Variants in TIMM9 observed in about 807,000 individuals in gnomAD.
TIMM9 encodes mitochondrial import inner membrane translocase subunit Tim9.
Under a neutral mutation model 13.4 loss-of-function variants are expected in TIMM9, and 10 were observed. The ratio of observed to expected loss-of-function variants is 0.75; its 90% CI spans 0.46 to 1.26. The LOEUF is 1.26. Among genes scored for constraint, TIMM9 ranks in the 50% most tolerant of loss-of-function variants. The pLI, the probability that TIMM9 is intolerant of heterozygous loss-of-function variation, is 0.00. For synonymous variants in TIMM9, 32 were observed against 32.1 expected (o/e 1.00, Z 0.01); for missense variants, 87 against 100.8 (o/e 0.86, Z 0.58).
At chr14:58,421,534 T>C (rs566528909) in intron 3 of TIMM9, among the ~76,000 whole-genome samples, 2 of 152,302 alleles carry the variant, frequency 1.3e-5, no homozygotes, top group South Asian at 4.1e-4. Flanking sequence ...TTTGTGTTAA[T>C]TGTTGGAAGT....
chr14:58,410,098 G>T (rs1022389343), intron 5 of TIMM9, among the ~76,000 whole-genome samples: 3 of 151,784 alleles, frequency 2.0e-5, no homozygotes, highest in African/African-American at 4.8e-5. Flanking sequence ...TGTTGACAGG[G>T]TCTTGCTCTG....
chr14:58,411,005 T>C, intron 4 of TIMM9, 67 bp from the exon 5 acceptor site: 5 of 1,092,348 alleles, frequency 4.6e-6, no homozygotes, highest in Non-Finnish European at 6.8e-6. Flanking sequence ...AAACTTAAAT[T>C]ACTGGTATTT....
intron 3 of TIMM9, among the ~76,000 whole-genome samples, chr14:58,422,303 C>T (rs1258534009): frequency 1.3e-5 from 2 of 151,790 alleles, no homozygotes; most frequent in Admixed American, 6.6e-5. Context: ...TTAGTAGAGA[C>T]GGGGGTTTCT....
intron 5 of TIMM9, among the ~76,000 whole-genome samples, chr14:58,410,607 A>T (rs191176387): frequency 6.6e-5 from 10 of 152,352 alleles, no homozygotes; most frequent in Admixed American, 5.9e-4. Flanking sequence ...GTAACTCAGC[A>T]GCTGCAGGCA....
chr14:58,426,882 C>G (rs748652440), intron 2 of TIMM9, among the ~76,000 whole-genome samples, 172 bp downstream of exon 2: 2 of 152,218 alleles, frequency 1.3e-5, no homozygotes, highest in Non-Finnish European at 2.9e-5. Context: ...GTGACACCAT[C>G]TCCAGGAAGG....
intron 1 of TIMM9, 57 bp downstream of exon 1, chr14:58,427,335 G>A (rs1263446468): frequency 5.4e-6 from 2 of 370,576 alleles, no homozygotes; most frequent in Non-Finnish European, 1.0e-5. Flanking sequence ...TTCTATTCCC[G>A]ACTTCCTCTC....
intron 3 of TIMM9, among the ~76,000 whole-genome samples, chr14:58,417,213 T>C (rs1023939914): frequency 4.6e-5 from 7 of 152,076 alleles, no homozygotes; most frequent in Non-Finnish European, 8.8e-5. Flanking sequence ...TAAACCTCTT[T>C]CTTTTGTAAA....
chr14:58,414,008 G>GGA (rs755857225), intron 3 of TIMM9, among the ~76,000 whole-genome samples: 2 of 24,172 alleles, frequency 8.3e-5, no homozygotes, highest in Non-Finnish European at 6.4e-5. Context: ...TTCCGTCTCA[G>GGA]AAAAAAAAAA....
At chr14:58,413,866 G>T in intron 3 of TIMM9, among the ~76,000 whole-genome samples, 1 of 151,772 alleles carries the variant, frequency 6.6e-6, no homozygotes, top group Non-Finnish European at 1.5e-5. Flanking sequence ...AATTAGCTGG[G>T]CGTGGTGGTG....
intron 3 of TIMM9, among the ~76,000 whole-genome samples, chr14:58,423,512 C>T (rs1205510219): frequency 4.3e-5 from 2 of 46,382 alleles, no homozygotes; most frequent in Non-Finnish European, 7.6e-5. Context: ...GAGACTTTGT[C>T]TCAAAAAAAA....
intron 2 of TIMM9, among the ~76,000 whole-genome samples, chr14:58,426,684 G>A (rs1481796658): frequency 6.6e-6 from 1 of 152,230 alleles, no homozygotes; most frequent in Non-Finnish European, 1.5e-5. Flanking sequence ...GAGCAGATCA[G>A]GGAAGGGGTG....
At chr14:58,409,772 G>A (rs545445872) in intron 5 of TIMM9, among the ~76,000 whole-genome samples, 2 of 151,920 alleles carry the variant, frequency 1.3e-5, no homozygotes, top group East Asian at 3.9e-4. Flanking sequence ...TAGAGACGGG[G>A]TTTCACTGTG....
chr14:58,412,321 T>C (rs980793352), intron 3 of TIMM9, among the ~76,000 whole-genome samples: 1 of 152,194 alleles, frequency 6.6e-6, no homozygotes, highest in Non-Finnish European at 1.5e-5. Context: ...TTTGTATTTT[T>C]AGTAGAGATG....
chr14:58,426,550 G>A (rs2140356653), intron 2 of TIMM9, among the ~76,000 whole-genome samples: 1 of 152,268 alleles, frequency 6.6e-6, no homozygotes, highest in Non-Finnish European at 1.5e-5. Context: ...GTAGACTGCC[G>A]AGATGTAAAA....
chr14:58,417,857 A>G (rs1360361692), intron 3 of TIMM9, among the ~76,000 whole-genome samples: 1 of 152,132 alleles, frequency 6.6e-6, no homozygotes, highest in Non-Finnish European at 1.5e-5. Flanking sequence ...AAGAGAGAAG[A>G]CACAAATTAT....
intron 3 of TIMM9, among the ~76,000 whole-genome samples, chr14:58,416,787 A>C (rs2036424094): frequency 6.6e-6 from 1 of 152,194 alleles, no homozygotes; most frequent in African/African-American, 2.4e-5. Context: ...CCATGAGAAA[A>C]AGTTTTAGTA....
intron 3 of TIMM9, 195 bp downstream of exon 3, chr14:58,423,813 C>A (rs1225800369): frequency 6.6e-6 from 1 of 152,150 alleles, no homozygotes; most frequent in African/African-American, 2.4e-5. Flanking sequence ...GTGGCAAAGA[C>A]CCATCAGGGG....
At chr14:58,421,435 A>G (rs1021594819) in intron 3 of TIMM9, among the ~76,000 whole-genome samples, 1 of 152,214 alleles carries the variant, frequency 6.6e-6, no homozygotes, top group Admixed American at 6.5e-5. Context: ...GATTGTATCA[A>G]TATTAGTATC....
chr14:58,423,032 C>T (rs1322733876), intron 3 of TIMM9, among the ~76,000 whole-genome samples: 5 of 151,602 alleles, frequency 3.3e-5, no homozygotes, highest in African/African-American at 9.7e-5. Flanking sequence ...CTTGAACTCC[C>T]GACCTCAGGT....
Sources: gnomAD v4.1 joint callset for allele counts (sites outside exome capture counted in the v4.1 genomes callset) on GRCh38, gnomAD v4.1.1 for gene constraint, MANE v1.5 for transcripts, NCBI Gene and HGNC (gene_info 2026-07-23, HGNC 2026-07-21) for gene names.